TPX2: variants seen among roughly 807,000 people sequenced by gnomAD.
TPX2 encodes the protein TPX2 microtubule nucleation factor.
A neutral mutation model predicts 93.6 loss-of-function variants in TPX2; 21 were observed. That is an observed-to-expected ratio of 0.22 (90% confidence interval 0.16 to 0.32). TPX2 has a LOEUF of 0.32. Among genes scored for constraint, TPX2 ranks in the 10% least tolerant of loss-of-function variants. TPX2 has a pLI of 1.00. For synonymous variants in TPX2, 281 were observed against 298.3 expected (o/e 0.94, Z 0.60); for missense variants, 776 against 871.1 (o/e 0.89, Z 1.37).
chr20:31,795,551 G>C (rs892822127), intron 15 of TPX2, among the ~76,000 whole-genome samples: 2 of 152,258 alleles, frequency 1.3e-5, no homozygotes, highest in Non-Finnish European at 2.9e-5. Flanking sequence ...GATCACCTGG[G>C]AATGTCCCCT....
chr20:31,760,228 T>G, intron 4 of TPX2, 49 bp downstream of exon 4: 1 of 1,607,242 alleles, frequency 6.2e-7, no homozygotes, highest in Non-Finnish European at 8.5e-7. Flanking sequence ...GGTGGGACAG[T>G]GTTTTAGAAG....
At chr20:31,749,566 C>T (rs537361084) in intron 2 of TPX2, among the ~76,000 whole-genome samples, 2 of 152,030 alleles carry the variant, frequency 1.3e-5, no homozygotes, top group South Asian at 2.1e-4. Context: ...GAGGCTGAGG[C>T]GGGTGGATCA....
At chr20:31,747,015 A>G (rs530247004) in intron 2 of TPX2, among the ~76,000 whole-genome samples, 1 of 152,226 alleles carries the variant, frequency 6.6e-6, no homozygotes, top group South Asian at 2.1e-4. Flanking sequence ...CCTTCTCTGC[A>G]CTTCCAGAGC....
chr20:31,797,960 G>C (rs2062148207), intron 16 of TPX2, among the ~76,000 whole-genome samples: 1 of 152,158 alleles, frequency 6.6e-6, no homozygotes. Flanking sequence ...ACTTTGGGAG[G>C]CCCGGACAGG....
rs554347849 is a variant in TPX2 at position 31,801,145 on chromosome 20, C to T, written c.*65C>T. The T allele has an allele frequency of 1.0e-5, 15 of 1,445,980 alleles. No individual in the cohort carries two copies. In the East Asian group the frequency reaches 1.4e-4, roughly 13 times the overall value. 89.6% of individuals were successfully genotyped at this position (1,445,980 alleles called of 1,614,324 possible). ...CTGCTCTTAACCTCAAACCTAGGAC[C>T]GTCTTGCTTTGTCATTGGGCATGGA... is the stretch of plus-strand genomic sequence containing the variant. On this transcript the variant is annotated 3_prime_UTR_variant, in exon 18 of 18. Transcript: ENST00000300403.
intron 11 of TPX2, 89 bp from the exon 12 acceptor site, chr20:31,783,616 T>G: frequency 8.1e-7 from 1 of 1,231,056 alleles, no homozygotes. Context: ...TCTTAATGAT[T>G]ACTATTCTTT....
intron 4 of TPX2, among the ~76,000 whole-genome samples, chr20:31,765,939 C>T (rs752635029): frequency 2.0e-5 from 3 of 152,114 alleles, no homozygotes; most frequent in Non-Finnish European, 4.4e-5. Context: ...ATCTTTGCTG[C>T]CTTGTTTCCT....
At chr20:31,764,857 T>C (rs2061914425) in intron 4 of TPX2, among the ~76,000 whole-genome samples, 1 of 152,200 alleles carries the variant, frequency 6.6e-6, no homozygotes, top group Non-Finnish European at 1.5e-5. Context: ...TTGTTGCAGT[T>C]TAATTCCTTT....
Position 31,800,965 on chromosome 20 carries a change from T to C in TPX2, c.2134-5T>C. ...TCTCACTGGTAACTTTTCCTTACTT[T>C]GCAGGTGCATAAGGCAAATCCAATA... is the stretch of plus-strand genomic sequence containing the variant. On this transcript the variant is annotated splice_region_variant and splice_polypyrimidine_tract_variant and intron_variant, in intron 17 of 17. Coordinates refer to ENST00000300403, the MANE Select transcript of TPX2 (RefSeq NM_012112.5). 1 of 1,612,764 alleles carries C rather than the reference T, an allele frequency of 6.2e-7. No individual in the cohort carries two copies. Among genetic ancestry groups the C allele is most frequent in the South Asian group, 1.1e-5 (1 of 91,044 alleles).
rs996857961 is a variant in TPX2, at chr20:31,791,503, C to G, written c.1414-1232C>G. On this transcript the variant is annotated intron_variant, in intron 12 of 17. Coordinates refer to ENST00000300403, the MANE Select transcript of TPX2 (RefSeq NM_012112.5). Reference sequence around the variant, plus strand: ...GTTTCACCGTGTTAGCCAGGATAGTCTCGATCTCCTGACCTCGTGATCCAC... The same window carrying G: ...GTTTCACCGTGTTAGCCAGGATAGTGTCGATCTCCTGACCTCGTGATCCAC... Among the ~76,000 whole-genome samples the G allele has an allele frequency of 3.3e-5, 5 of 152,208 alleles. 1 individual carries two copies. Among genetic ancestry groups the G allele is most frequent in the African/African-American group, 7.2e-5 (3 of 41,460 alleles).
chr20:31,778,837 A>G lies in TPX2; in HGVS notation c.907A>G (p.Ile303Val), dbSNP rs1418442746. ...GGCCCGAGTGACTAAGGGATGTACC[A>G]TTGTTAAGCCTTTCAACCTGTCCCA... is the stretch of plus-strand genomic sequence containing the variant. ...SPARVTKGCT[I>V]VKPFNLSQGK... The change falls in exon 10 of 18, where the codon ATT (isoleucine) becomes GTT (valine). Residue 303 changes from isoleucine (I) to valine (V), a missense_variant. Ile to Val is a conservative substitution (Grantham distance 29). This residue lies in a region of TPX2 where 461 missense variants were observed against 551.2 expected (regional missense o/e 0.84). Transcript: ENST00000300403. 6.3e-7 allele frequency: 1 copy of G among 1,597,238 alleles called. No homozygotes were observed. The highest frequency in any genetic ancestry group is 1.1e-5 in the South Asian group (1 of 87,820).
At position 31,798,426 on chromosome 20, in the gene TPX2, A is replaced by G. The variant is rs756950106; in HGVS notation, c.2007A>G (p.Lys669=). 1.2e-6 allele frequency: 2 copies of G among 1,614,150 alleles called. No homozygotes were observed. Among genetic ancestry groups the G allele is most frequent in the Admixed American group, 3.3e-5 (2 of 60,020 alleles). The part of the protein sequence containing the change: ...PFQLATEKRA[K]ERQELEKRMA... ...AGCTGGCTACTGAGAAGAGAGCCAAAGAGCGGCAGGAGCTGGAGAAGAGAA... is the reference window on the plus strand; with the variant it reads ...AGCTGGCTACTGAGAAGAGAGCCAAGGAGCGGCAGGAGCTGGAGAAGAGAA... Residue 669 remains lysine (K), a synonymous_variant, in exon 17 of 18, where the codon AAA becomes AAG. Transcript: ENST00000300403.
chr20:31,791,129 G>C (rs1359861689), intron 12 of TPX2, among the ~76,000 whole-genome samples: 1 of 151,948 alleles, frequency 6.6e-6, no homozygotes. Flanking sequence ...AGGGGTGAGA[G>C]GTAAGGCGGG....
Position 31,783,688 on chromosome 20 carries a change from A to T in TPX2, c.1197-17A>T, listed in dbSNP as rs772404203. ...ATTAAAATTTTTTTTGTGGTTATTT[A>T]AATTTTCACCTTACAGATACAAATT... On this transcript the variant is annotated splice_polypyrimidine_tract_variant and intron_variant, in intron 11 of 17. Coordinates refer to ENST00000300403, the MANE Select transcript of TPX2 (RefSeq NM_012112.5). 3.5e-5 allele frequency: 56 copies of T among 1,578,472 alleles called. No homozygotes were observed. Among genetic ancestry groups the T allele is most frequent in the Admixed American group, 2.6e-4 (12 of 46,922 alleles).
Position 31,760,034 on chromosome 20 carries a change from A to G in TPX2, c.107-23A>G, listed in dbSNP as rs375293240. On this transcript the variant is annotated intron_variant, in intron 3 of 17. Coordinates refer to ENST00000300403, the MANE Select transcript of TPX2 (RefSeq NM_012112.5). Reference sequence around the variant, plus strand: ...GTTTTGCTTCCTTGCTGATCAGACAATGATGATCTTCCCTTTTCACAGAGG... The same window carrying G: ...GTTTTGCTTCCTTGCTGATCAGACAGTGATGATCTTCCCTTTTCACAGAGG... 81 of 1,611,396 alleles carry G rather than the reference A, an allele frequency of 5.0e-5. 1 individual carries two copies. The African/African-American group carries it at 8.1e-4, about 16-fold the overall frequency.
chr20:31,743,726 G>GTT (rs557157321), intron 2 of TPX2, among the ~76,000 whole-genome samples: 1,832 of 134,556 alleles, frequency 0.014, 34 homozygotes, highest in African/African-American at 0.037. Context: ...TACAGATGCA[G>GTT]TTTTTTTTTT....
At chr20:31,751,314 G>T (rs988242152) in intron 2 of TPX2, among the ~76,000 whole-genome samples, 2 of 152,020 alleles carry the variant, frequency 1.3e-5, no homozygotes, top group African/African-American at 4.8e-5. Context: ...AGCTTTAGTC[G>T]TCTTCATTAC....
At chr20:31,786,409 T>TTTTTTGTGTTTTG (rs371477945) in intron 12 of TPX2, among the ~76,000 whole-genome samples, 1 of 146,930 alleles carries the variant, frequency 6.8e-6, no homozygotes, top group Non-Finnish European at 1.5e-5. Context: ...TGTTTTTTTT[T>TTTTTTGTGTTTTG]TTTTTTGAGA....
intron 10 of TPX2, among the ~76,000 whole-genome samples, chr20:31,779,254 C>T (rs576123939): frequency 2.0e-5 from 3 of 152,266 alleles, no homozygotes; most frequent in African/African-American, 7.2e-5. Flanking sequence ...ACATCCTTAA[C>T]GGACATTTTT....
Sources: allele counts gnomAD v4.1 joint callset (sites outside exome capture counted in the v4.1 genomes callset), GRCh38; gene constraint gnomAD v4.1.1; regional missense constraint gnomAD v4.1.1; transcripts MANE v1.5; gene names NCBI Gene and HGNC (gene_info 2026-07-23, HGNC 2026-07-21).